ELK3: variants seen among roughly 807,000 people sequenced by gnomAD.
ELK3 encodes ETS domain-containing protein Elk-3.
A neutral mutation model predicts 28.9 loss-of-function variants in ELK3; 10 were observed. That is an observed-to-expected ratio of 0.35 (90% CI 0.21 to 0.59). The LOEUF (loss-of-function observed/expected upper bound fraction) is 0.59, where lower values mean the gene tolerates loss of function less well. Among genes scored for constraint, ELK3 ranks in the 20% least tolerant of loss-of-function variants. The probability of loss-of-function intolerance (pLI) is 0.82; values close to 1 mark genes in which losing one functional copy is unlikely to be tolerated. For synonymous variants in ELK3, 272 were observed against 243.5 expected (o/e 1.12, Z -1.09); for missense variants, 463 against 517.3 (o/e 0.90, Z 1.02).
At chr12:96,202,926 C>T (rs376194389) in intron 1 of ELK3, among the ~76,000 whole-genome samples, 7 of 150,956 alleles carry the variant, frequency 4.6e-5, no homozygotes, top group East Asian at 2.0e-4. Context: ...CTCGCTCCGT[C>T]GCCCAGTCTG....
At chr12:96,248,388 T>C (rs1951875747) in intron 3 of ELK3, among the ~76,000 whole-genome samples, 1 of 152,224 alleles carries the variant, frequency 6.6e-6, no homozygotes, top group Non-Finnish European at 1.5e-5. Context: ...TTAAATCAGA[T>C]ATTCAGATGC....
At chr12:96,239,509 G>A (rs1463377720) in intron 2 of ELK3, among the ~76,000 whole-genome samples, 1 of 152,160 alleles carries the variant, frequency 6.6e-6, no homozygotes, top group African/African-American at 2.4e-5. Context: ...GGATAACAGT[G>A]CCCATCCTGC....
intron 2 of ELK3, among the ~76,000 whole-genome samples, chr12:96,231,434 T>G (rs1951741186): frequency 6.6e-6 from 1 of 152,206 alleles, no homozygotes; most frequent in African/African-American, 2.4e-5. Context: ...AGGCACCTTA[T>G]GGGTCAAGCC....
At chr12:96,250,219 C>T (rs1951892937) in intron 3 of ELK3, among the ~76,000 whole-genome samples, 1 of 152,206 alleles carries the variant, frequency 6.6e-6, no homozygotes, top group South Asian at 2.1e-4. Context: ...CCACTTTGAA[C>T]TTCCCTCACA....
chr12:96,210,561 G>GCACACACACACACACACACA (rs368183390), intron 1 of ELK3, among the ~76,000 whole-genome samples: 54 of 144,842 alleles, frequency 3.7e-4, no homozygotes, highest in East Asian at 1.4e-3. Context: ...GCGCGCGGGC[G>GCACACACACACACACACACA]CACGCACACA....
chr12:96,267,238 G>T lies in ELK3; in HGVS notation c.*58G>T. On this transcript the variant is annotated 3_prime_UTR_variant, in exon 5 of 5. Coordinates refer to ENST00000228741, the MANE Select transcript of ELK3 (RefSeq NM_005230.4). ...TGATGAAACAAATTTGTCCCCACGGGCTAGTTTACCTGTGTCGTGAGAAGG... is the reference window on the plus strand; with the variant it reads ...TGATGAAACAAATTTGTCCCCACGGTCTAGTTTACCTGTGTCGTGAGAAGG... 2.0e-6 allele frequency: 3 copies of T among 1,481,710 alleles called. No homozygotes were observed. Among genetic ancestry groups the T allele is most frequent in the South Asian group, 2.4e-5 (2 of 81,670 alleles). The allele number at this position is 1,481,710 out of a possible 1,614,324, so 91.8% of individuals were successfully genotyped here. A position where few individuals can be genotyped will look rare whatever the true frequency, so the allele number is the denominator to read the frequency against.
intron 3 of ELK3, among the ~76,000 whole-genome samples, chr12:96,248,794 A>G (rs1286256678): frequency 6.6e-6 from 1 of 152,206 alleles, no homozygotes; most frequent in Non-Finnish European, 1.5e-5. Context: ...CAGATGCTTT[A>G]CATGCATTGC....
At chr12:96,257,969 A>G (rs1249064619) in intron 3 of ELK3, among the ~76,000 whole-genome samples, 1 of 152,266 alleles carries the variant, frequency 6.6e-6, no homozygotes, top group East Asian at 1.9e-4. Flanking sequence ...TGCCTCTGGC[A>G]CTTGTTGAGC....
chr12:96,196,603 G>T (rs908502877), intron 1 of ELK3, among the ~76,000 whole-genome samples: 1 of 152,056 alleles, frequency 6.6e-6, no homozygotes, highest in African/African-American at 2.4e-5. Flanking sequence ...TGTTAGGAGG[G>T]CACATGGGTC....
rs371589438 is a variant in ELK3, at chr12:96,247,063, G to A, written c.331G>A (p.Asp111Asn). The change falls in exon 3 of 5, where the codon GAC (aspartate) becomes AAC (asparagine). Residue 111 changes from aspartate (D) to asparagine (N), a missense_variant. Transcript: ENST00000228741. The surrounding 1 kb of genome is among the most constrained non-coding windows in gnomAD (Gnocchi z 5.5). ...SRESLLLQDS[D>N]CKASPEGREA... ...GGAGAGCCTTCTGCTGCAGGACAGC[G>A]ACTGCAAGGCGTCTCCGGAGGGCCG... 31 of 1,613,942 alleles carry A rather than the reference G, an allele frequency of 1.9e-5. No homozygotes were observed. In the East Asian group the frequency reaches 2.9e-4, roughly 15 times the overall value.
intron 1 of ELK3, among the ~76,000 whole-genome samples, chr12:96,210,997 C>T (rs1951574367): frequency 6.6e-6 from 1 of 152,218 alleles, no homozygotes. Context: ...GACTTTGGAG[C>T]CAGATGCCCC....
At chr12:96,233,920 A>G (rs1277902894) in intron 2 of ELK3, among the ~76,000 whole-genome samples, 1 of 152,174 alleles carries the variant, frequency 6.6e-6, no homozygotes, top group African/African-American at 2.4e-5. Flanking sequence ...CTTTCCTACC[A>G]TAGCAGCTAT....
chr12:96,220,294 C>T (rs1188106644), intron 1 of ELK3, among the ~76,000 whole-genome samples: 1 of 152,014 alleles, frequency 6.6e-6, no homozygotes, highest in African/African-American at 2.4e-5. Context: ...GGCCATAGCA[C>T]CCATGGCTGC....
intron 2 of ELK3, among the ~76,000 whole-genome samples, chr12:96,228,411 T>C: frequency 1.1e-5 from 1 of 88,846 alleles, no homozygotes. Context: ...AGTGAGACTC[T>C]GTGTCAAAAA....
chr12:96,211,619 C>G (rs1022818039), intron 1 of ELK3, among the ~76,000 whole-genome samples: 2 of 151,914 alleles, frequency 1.3e-5, no homozygotes, highest in South Asian at 4.1e-4. Context: ...TAATTTCTTA[C>G]AGTTCAACTT....
chr12:96,264,908 A>G (rs1160200256), intron 4 of ELK3, among the ~76,000 whole-genome samples: 1 of 152,234 alleles, frequency 6.6e-6, no homozygotes, highest in Non-Finnish European at 1.5e-5. Context: ...ATTCTATTTT[A>G]GAGATAAGAA....
rs547123237 is a variant in ELK3 at position 96,254,493 on chromosome 12, G to GCA, written c.1003-5225_1003-5224dup. Among the ~76,000 whole-genome samples, 31 of 151,876 alleles carry GCA rather than the reference G, an allele frequency of 2.0e-4. No homozygotes were observed. The South Asian group carries it at 4.8e-3, about 23-fold the overall frequency. The stretch of plus-strand genomic sequence containing the variant: ...GCCATGACAACAAGGCATTACAAGT[G>GCA]CACACACACACACAATAGCCCTTGG... On this transcript the variant is annotated intron_variant, in intron 3 of 4. Coordinates refer to ENST00000228741, the MANE Select transcript of ELK3 (RefSeq NM_005230.4).
At chr12:96,264,541 G>A (rs1263413856) in intron 4 of ELK3, among the ~76,000 whole-genome samples, 1 of 152,126 alleles carries the variant, frequency 6.6e-6, no homozygotes, top group African/African-American at 2.4e-5. Flanking sequence ...CCAGCACTTT[G>A]GGAGGGTGAC....
chr12:96,265,069 G>C (rs1952020109), intron 4 of ELK3, among the ~76,000 whole-genome samples: 1 of 152,170 alleles, frequency 6.6e-6, no homozygotes, highest in Admixed American at 6.5e-5. Context: ...GTGGGAAAGA[G>C]GCATTGGTTG....
Sources: gnomAD v4.1 joint callset for allele counts (sites outside exome capture counted in the v4.1 genomes callset) on GRCh38, gnomAD v4.1.1 for gene constraint, Gnocchi (gnomAD v3.1) non-coding constraint, MANE v1.5 for transcripts, NCBI Gene and HGNC (gene_info 2026-07-23, HGNC 2026-07-21) for gene names.